The following TUBE1 variants were observed in gnomAD, a reference collection of about 807,000 sequenced individuals.
TUBE1 encodes tubulin epsilon chain.
TUBE1 carries 34 observed loss-of-function variants against 53.5 expected under a neutral mutation model. That is an observed-to-expected ratio of 0.64 (90% CI 0.48 to 0.85). The LOEUF (loss-of-function observed/expected upper bound fraction) is 0.85. TUBE1 is among the 40% of genes least tolerant of loss of function. The pLI, the probability that TUBE1 is intolerant of heterozygous loss-of-function variation, is 0.00. For synonymous variants in TUBE1, 177 were observed against 198.4 expected, an observed-to-expected ratio of 0.89 and a Z score of 0.91; for missense variants, 532 against 570.5, an observed-to-expected ratio of 0.93 and a Z score of 0.69.
chr6:112,076,285 A>G (rs1554316049), intron 7 of TUBE1, 37 bp downstream of exon 7: 3 of 1,500,476 alleles, frequency 2.0e-6, no homozygotes, highest in African/African-American at 1.4e-5. Flanking sequence ...CTGAATATAT[A>G]TAACATTTAT....
At chr6:112,086,874 CTGGAT>C in intron 2 of TUBE1, 1 of 490,898 alleles carries the variant, frequency 2.0e-6, no homozygotes, top group Non-Finnish European at 3.6e-6. Context: ...TGAGCGTTCT[CTGGAT>C]TCTTCGTAAT....
intron 4 of TUBE1, 51 bp downstream of exon 4, chr6:112,084,138 A>T (rs1554317067): frequency 1.4e-6 from 2 of 1,384,894 alleles, no homozygotes; most frequent in Non-Finnish European, 1.0e-6. Context: ...TACTGAGAAT[A>T]GTTATTTAAA....
At chr6:112,080,505 C>T (rs1266298751) in intron 5 of TUBE1, among the ~76,000 whole-genome samples, 1 of 151,970 alleles carries the variant, frequency 6.6e-6, no homozygotes, top group African/African-American at 2.4e-5. Context: ...CATATTATTC[C>T]GCATTATGAA....
chr6:112,074,802 GC>G lies in TUBE1; in HGVS notation c.860del (p.Ser287ThrfsTer2). 1 of 1,607,658 alleles carries G rather than the reference GC, an allele frequency of 6.2e-7. No homozygotes were observed. Among genetic ancestry groups the G allele is most frequent in the Non-Finnish European group, 8.5e-7 (1 of 1,177,156 alleles). On this transcript the variant is annotated frameshift_variant, in exon 9 of 12. Coordinates refer to ENST00000368662, the MANE Select transcript of TUBE1 (RefSeq NM_016262.5). LOFTEE classifies it high-confidence loss of function. ...GTTGAGGAAAAGGAACTAAATTCAT[GC>G]TGATTTCATTAAGGTCCATATTAAG... ...GSLNMDLNEI[S>X]MNLVPFPQLH...
Position 112,087,455 on chromosome 6 carries a change from G to A in TUBE1, c.-21C>T, listed in dbSNP as rs1255719516. 1.9e-6 allele frequency: 3 copies of A among 1,549,276 alleles called. No individual in the cohort carries two copies. The highest frequency in any genetic ancestry group is 2.0e-5 in the Admixed American group (1 of 50,950). On this transcript the variant is annotated 5_prime_UTR_variant, in exon 1 of 12. Coordinates refer to ENST00000368662, the MANE Select transcript of TUBE1 (RefSeq NM_016262.5). ...GTCATGGTGGTGCGCCGCCGGCTCC[G>A]GGAGCTTGCTAGCCCGCGGCCGCTT... is the stretch of plus-strand genomic sequence containing the variant.
chr6:112,086,694 T>A, intron 2 of TUBE1, 86 bp from the exon 3 acceptor site: 1 of 851,844 alleles, frequency 1.2e-6, no homozygotes, highest in Non-Finnish European at 1.9e-6. Context: ...CATAATACTG[T>A]AATGGCTAGG....
chr6:112,075,811 A>T, intron 8 of TUBE1, 126 bp downstream of exon 8: 1 of 875,766 alleles, frequency 1.1e-6, no homozygotes, highest in African/African-American at 1.7e-5. Context: ...CCAAGAAAAG[A>T]TAGAAGACAA....
At chr6:112,073,048 T>A in intron 9 of TUBE1, 150 bp from the exon 10 acceptor site, 2 of 471,908 alleles carry the variant, frequency 4.2e-6, no homozygotes, top group Non-Finnish European at 6.5e-6. Flanking sequence ...AAATATTAAA[T>A]AACTATACTT....
chr6:112,072,190 C>A lies in TUBE1; in HGVS notation c.1095-114G>T, dbSNP rs17073277. 4,577 of 743,604 alleles carry A rather than the reference C, an allele frequency of 6.2e-3. 174 individuals carry two copies. The African/African-American group carries it at 0.075, about 12-fold the overall frequency. 46.1% of individuals were successfully genotyped at this position (743,604 alleles called of 1,614,324 possible). A position where few individuals can be genotyped will look rare whatever the true frequency, so the allele number is the denominator to read the frequency against. ...GAACATTATGGATGGTATCAATCTA[C>A]TTGCTTAGTTTAGACGCTAAGTTAT... is the stretch of plus-strand genomic sequence containing the variant. On this transcript the variant is annotated intron_variant, in intron 10 of 11. Transcript: ENST00000368662.
At chr6:112,084,512 G>A (rs1450662781) in intron 3 of TUBE1, among the ~76,000 whole-genome samples, 1 of 152,206 alleles carries the variant, frequency 6.6e-6, no homozygotes, top group African/African-American at 2.4e-5. Context: ...AGTATTCTGG[G>A]AAGCTTTTAA....
Position 112,071,583 on chromosome 6 carries a change from A to T in TUBE1, c.1270-13T>A, listed in dbSNP as rs941024481. 2 of 1,582,072 alleles carry T rather than the reference A, an allele frequency of 1.3e-6. No homozygotes were observed. The highest frequency in any genetic ancestry group is 1.7e-6 in the Non-Finnish European group (2 of 1,160,364). Reference sequence around the variant, plus strand: ...GATGAAGGTGAGCCTATAAATTAAAAAATTAGGTAACGTTTACCATTTCAG... The same window carrying T: ...GATGAAGGTGAGCCTATAAATTAAATAATTAGGTAACGTTTACCATTTCAG... On this transcript the variant is annotated splice_polypyrimidine_tract_variant and intron_variant, in intron 11 of 11. Transcript: ENST00000368662.
intron 6 of TUBE1, chr6:112,076,946 T>C (rs1554316174): frequency 6.6e-6 from 1 of 152,354 alleles, no homozygotes; most frequent in African/African-American, 2.4e-5. Flanking sequence ...GATAAGGAAA[T>C]GAAGGCAACA....
At chr6:112,083,543 C>T (rs1554317024) in intron 4 of TUBE1, among the ~76,000 whole-genome samples, 1 of 152,084 alleles carries the variant, frequency 6.6e-6, no homozygotes, top group African/African-American at 2.4e-5. Context: ...TGGTCTTGAT[C>T]TCCTGACCTT....
intron 2 of TUBE1, 41 bp from the exon 3 acceptor site, chr6:112,086,649 T>C (rs1554317367): frequency 7.2e-7 from 1 of 1,390,766 alleles, no homozygotes; most frequent in South Asian, 1.2e-5. Context: ...TAGGTTTTGC[T>C]TCTCGCCCAA....
Position 112,072,067 on chromosome 6 carries a change from T to C in TUBE1, c.1104A>G (p.Pro368=), listed in dbSNP as rs139268676. 12 of 1,590,626 alleles carry C rather than the reference T, an allele frequency of 7.5e-6. No homozygotes were observed. Among genetic ancestry groups the C allele is most frequent in the African/African-American group, 6.8e-5 (5 of 73,000 alleles). Residue 368 remains proline, a synonymous_variant, in exon 11 of 12, where the codon CCA becomes CCG. Transcript: ENST00000368662. The part of the protein sequence containing the change: ...DLRRNIERLK[P]SLQFVSWNQE... ...GATTCCAGGAGACAAATTGTAGAGA[T>C]GGTTTTAATCTGAGATTAAAAAAAA... is the stretch of plus-strand genomic sequence containing the variant.
chr6:112,079,537 T>C, intron 6 of TUBE1, 96 bp downstream of exon 6: 1 of 1,274,834 alleles, frequency 7.8e-7, no homozygotes, highest in Non-Finnish European at 1.1e-6. Context: ...GTTCTATCTT[T>C]ATCAAGCACA....
intron 4 of TUBE1, among the ~76,000 whole-genome samples, chr6:112,082,723 G>C (rs1318923403): frequency 6.6e-6 from 1 of 152,148 alleles, no homozygotes; most frequent in East Asian, 1.9e-4. Context: ...CCAAGGTCTG[G>C]AGTCACAACT....
rs1752782188 is a variant in TUBE1, at chr6:112,071,262, A to T, written c.*150T>A. ...AATTTCACACATTGGTATTACCAAC[A>T]AATTGCGATTAAACAGAAATCACTC... On this transcript the variant is annotated 3_prime_UTR_variant, in exon 12 of 12. Coordinates refer to ENST00000368662, the MANE Select transcript of TUBE1 (RefSeq NM_016262.5). The T allele has an allele frequency of 1.5e-6, 1 of 673,720 alleles. No homozygotes were observed. The highest frequency in any genetic ancestry group is 2.3e-6 in the Non-Finnish European group (1 of 443,652). 41.7% of individuals were successfully genotyped at this position (673,720 alleles called of 1,614,324 possible). A position where few individuals can be genotyped will look rare whatever the true frequency, so the allele number is the denominator to read the frequency against.
chr6:112,079,232 A>C (rs587653852), intron 6 of TUBE1, among the ~76,000 whole-genome samples: 1 of 151,912 alleles, frequency 6.6e-6, no homozygotes, highest in Non-Finnish European at 1.5e-5. Context: ...GCAAGCACAC[A>C]TCATGAGCAC....
Sources: allele counts gnomAD v4.1 joint callset (sites outside exome capture counted in the v4.1 genomes callset), GRCh38; gene constraint gnomAD v4.1.1; transcripts MANE v1.5; gene names NCBI Gene and HGNC (gene_info 2026-07-23, HGNC 2026-07-21).